Variants in AGO3 observed in about 807,000 individuals in gnomAD.
AGO3 encodes protein argonaute-3.
A neutral mutation model predicts 105.5 loss-of-function variants in AGO3; 16 were observed. The ratio of observed to expected loss-of-function variants is 0.15; its 90% confidence interval spans 0.10 to 0.23. The LOEUF (loss-of-function observed/expected upper bound fraction) is 0.23, where lower values mean the gene tolerates loss of function less well. Ranked by LOEUF, AGO3 falls within the 10% of genes least tolerant of loss-of-function variation. The pLI is 1.00. For synonymous variants in AGO3, 340 were observed against 367.3 expected, an observed-to-expected ratio of 0.93 and a Z score of 0.85; for missense variants, 534 against 1,088.0, an observed-to-expected ratio of 0.49 and a Z score of 7.16.
At chr1:36,031,604 G>C (rs1001105211) in intron 12 of AGO3, among the ~76,000 whole-genome samples, 3 of 151,732 alleles carry the variant, frequency 2.0e-5, no homozygotes, top group African/African-American at 7.3e-5. Flanking sequence ...CACATGTTGT[G>C]CAGCCATCAT....
At chr1:35,973,602 G>T in intron 5 of AGO3, 91 bp downstream of exon 5, 1 of 1,256,516 alleles carries the variant, frequency 8.0e-7, no homozygotes, top group Non-Finnish European at 1.0e-6. Flanking sequence ...ACATACTGGT[G>T]TCTCGAAGTA....
chr1:36,006,608 A>G (rs1362024624), intron 6 of AGO3, among the ~76,000 whole-genome samples: 1 of 152,034 alleles, frequency 6.6e-6, no homozygotes, highest in Admixed American at 6.6e-5. Context: ...TTGTTTCTTC[A>G]TATTATTAGT....
chr1:35,941,682 T>C (rs1571409025), intron 1 of AGO3, among the ~76,000 whole-genome samples: 1 of 152,256 alleles, frequency 6.6e-6, no homozygotes, highest in South Asian at 2.1e-4. Flanking sequence ...GAAGATTAAA[T>C]GAGATAATGC....
At chr1:35,946,285 T>G (rs1363616447) in intron 2 of AGO3, among the ~76,000 whole-genome samples, 1 of 152,190 alleles carries the variant, frequency 6.6e-6, no homozygotes, top group African/African-American at 2.4e-5. Flanking sequence ...TTTCATGCTT[T>G]CTTTTCTCCT....
intron 2 of AGO3, among the ~76,000 whole-genome samples, chr1:35,946,596 G>A (rs1646369206): frequency 6.6e-6 from 1 of 152,102 alleles, no homozygotes; most frequent in African/African-American, 2.4e-5. Context: ...GTTATTAAGA[G>A]TCTTCATTTA....
In AGO3 at chr1:36,060,980, C is replaced by G. The variant is rs1047791942; in HGVS notation, c.*5235C>G. 3 of 152,236 alleles carry G rather than the reference C, an allele frequency of 2.0e-5. No homozygotes were observed. Among genetic ancestry groups the G allele is most frequent in the African/African-American group, 4.8e-5 (2 of 41,550 alleles). 9.4% of individuals were successfully genotyped at this position (152,236 alleles called of 1,614,324 possible). On this transcript the variant is annotated 3_prime_UTR_variant, in exon 19 of 19. Coordinates refer to ENST00000373191, the MANE Select transcript of AGO3 (RefSeq NM_024852.4). ...CCTCATATTTGATCATAGAAAAGCACTTTTGTGATTCTATAGGAGTCAAAA... is the reference window on the plus strand; with the variant it reads ...CCTCATATTTGATCATAGAAAAGCAGTTTTGTGATTCTATAGGAGTCAAAA...
intron 2 of AGO3, among the ~76,000 whole-genome samples, chr1:35,964,620 A>G (rs1646740142): frequency 6.6e-6 from 1 of 152,128 alleles, no homozygotes; most frequent in Non-Finnish European, 1.5e-5. Flanking sequence ...AGAACAATTT[A>G]TATTTCTTTG....
At chr1:35,946,156 G>A (rs1442973950) in intron 2 of AGO3, among the ~76,000 whole-genome samples, 2 of 152,054 alleles carry the variant, frequency 1.3e-5, no homozygotes, top group Non-Finnish European at 2.9e-5. Flanking sequence ...CATTTTCCTT[G>A]CTGTTAGGTA....
rs978857141 is a variant in AGO3, at chr1:36,064,552, T to C, written c.*8807T>C. The C allele has an allele frequency of 2.0e-5, 3 of 152,212 alleles. No individual in the cohort carries two copies. The highest frequency in any genetic ancestry group is 4.4e-5 in the Non-Finnish European group (3 of 68,044). 9.4% of individuals were successfully genotyped at this position (152,212 alleles called of 1,614,324 possible). ...CATCCTCTGGGTTTTCAATTCTAAATTATTGGAGCTCAATGTATGACATTT... is the reference window on the plus strand; with the variant it reads ...CATCCTCTGGGTTTTCAATTCTAAACTATTGGAGCTCAATGTATGACATTT... On this transcript the variant is annotated 3_prime_UTR_variant, in exon 19 of 19. Coordinates refer to ENST00000373191, the MANE Select transcript of AGO3 (RefSeq NM_024852.4).
chr1:35,997,335 C>T (rs1639876403), intron 5 of AGO3, among the ~76,000 whole-genome samples: 10 of 152,076 alleles, frequency 6.6e-5, no homozygotes. Context: ...TAAAGTTAAA[C>T]CCAGTCCTCA....
chr1:35,984,846 A>G (rs1037956115), intron 5 of AGO3, among the ~76,000 whole-genome samples: 6 of 152,266 alleles, frequency 3.9e-5, no homozygotes, highest in African/African-American at 7.2e-5. Flanking sequence ...CTTAACAAGT[A>G]TAATGAGATC....
intron 11 of AGO3, among the ~76,000 whole-genome samples, chr1:36,020,209 A>G (rs984999210): frequency 1.3e-5 from 2 of 152,232 alleles, no homozygotes; most frequent in Admixed American, 6.5e-5. Flanking sequence ...CTGGAATTGT[A>G]TCCTCTTACA....
chr1:36,049,585 TA>T (rs1307199865), intron 17 of AGO3, among the ~76,000 whole-genome samples: 1 of 151,680 alleles, frequency 6.6e-6, no homozygotes, highest in Non-Finnish European at 1.5e-5. Context: ...TATACCCATG[TA>T]ACAAATCTCA....
At chr1:35,980,303 C>T (rs1319044591) in intron 5 of AGO3, among the ~76,000 whole-genome samples, 5 of 152,172 alleles carry the variant, frequency 3.3e-5, no homozygotes, top group Non-Finnish European at 5.9e-5. Context: ...TGACTCCTAC[C>T]TGTTGCACAT....
At chr1:35,992,457 CT>C (rs1363495714) in intron 5 of AGO3, 1 of 152,214 alleles carries the variant, frequency 6.6e-6, no homozygotes, top group African/African-American at 2.4e-5. Flanking sequence ...TGCTTTTCAT[CT>C]TTCAGAATGT....
Position 36,061,390 on chromosome 1 carries a change from T to C in AGO3, c.*5645T>C, listed in dbSNP as rs1453387102. ...ACCTACTACTCATTGAAATTTATAT[T>C]ACTTTACCCATCAAAACTAGTACTC... On this transcript the variant is annotated 3_prime_UTR_variant, in exon 19 of 19. Transcript: ENST00000373191. 6.6e-6 allele frequency: 1 copy of C among 152,222 alleles called. No individual in the cohort carries two copies. The highest frequency in any genetic ancestry group is 6.5e-5 in the Admixed American group (1 of 15,280). The allele number at this position is 152,222 out of a possible 1,614,324, so 9.4% of individuals were successfully genotyped here.
At chr1:35,967,781 C>T (rs1485544183) in intron 3 of AGO3, among the ~76,000 whole-genome samples, 2 of 152,102 alleles carry the variant, frequency 1.3e-5, no homozygotes, top group Admixed American at 6.5e-5. Flanking sequence ...TTATCAAGTT[C>T]ATTAAATTTA....
At position 36,003,710 on chromosome 1, in the gene AGO3, ATAT is replaced by A. The variant is rs1213434817; in HGVS notation, c.659-630_659-628del. ...AGTCTGTCTCAAAAAAAAAAAAAAA[ATAT>A]ATATATATATATATATATATATATA... On this transcript the variant is annotated intron_variant, in intron 5 of 18. Transcript: ENST00000373191. Among the ~76,000 whole-genome samples the A allele has an allele frequency of 5.6e-3, 440 of 79,248 alleles. 8 individuals are homozygous for A. The highest frequency in any genetic ancestry group is 0.031 in the East Asian group (78 of 2,482). The allele number at this position is 79,248 out of a possible 152,430, so 52.0% of individuals were successfully genotyped here.
intron 2 of AGO3, among the ~76,000 whole-genome samples, chr1:35,955,830 A>C (rs892957484): frequency 1.3e-5 from 2 of 152,102 alleles, no homozygotes; most frequent in African/African-American, 4.8e-5. Flanking sequence ...CCTTGTCTCA[A>C]GCGATCTGCC....
Sources: allele counts gnomAD v4.1 joint callset (sites outside exome capture counted in the v4.1 genomes callset), GRCh38; gene constraint gnomAD v4.1.1; transcripts MANE v1.5; gene names NCBI Gene and HGNC (gene_info 2026-07-23, HGNC 2026-07-21).